CEP290: variants seen among roughly 807,000 people sequenced by gnomAD.
CEP290 encodes the protein centrosomal protein 290.
A neutral mutation model predicts 344.9 loss-of-function variants in CEP290; 317 were observed. That is an observed-to-expected ratio of 0.92 (90% CI 0.84 to 1.01). The LOEUF (loss-of-function observed/expected upper bound fraction) is 1.01, where lower values mean the gene tolerates loss of function less well. CEP290 is among the 50% of genes least tolerant of loss of function. The pLI is 0.00. For missense variants in CEP290, 2,754 were observed against 2,761.4 expected, an observed-to-expected ratio of 1.00 and a Z score of 0.06; for synonymous variants, 932 against 895.8, an observed-to-expected ratio of 1.04 and a Z score of -0.72.
intron 46 of CEP290, among the ~76,000 whole-genome samples, chr12:88,061,272 T>G (rs529155795): frequency 2.6e-5 from 4 of 152,318 alleles, no homozygotes; most frequent in African/African-American, 7.2e-5. Context: ...ATCAAAATGA[T>G]TAAGTCTAAA....
At chr12:88,111,565 T>G in intron 21 of CEP290, 129 bp downstream of exon 21, 1 of 869,546 alleles carries the variant, frequency 1.2e-6, no homozygotes, top group Non-Finnish European at 1.7e-6. Context: ...GAAATCCAGT[T>G]TCTTAATATT....
intron 27 of CEP290, among the ~76,000 whole-genome samples, chr12:88,095,055 G>A (rs1301164018): frequency 6.6e-6 from 1 of 152,106 alleles, no homozygotes; most frequent in Non-Finnish European, 1.5e-5. Flanking sequence ...ATCACTAACA[G>A]GTGCTAAAAG....
At position 88,126,422 on chromosome 12, in the gene CEP290, T is replaced by C; in HGVS notation, c.959A>G (p.Lys320Arg). ...VEEWKLILSSKDDEIIEYQQM... is the reference protein window; with the variant it reads ...VEEWKLILSSRDDEIIEYQQM... ...CTGATACTCAATAATTTCATCATCT[T>C]TAGAAGACAAAATTAGCTAGAAATA... is the stretch of plus-strand genomic sequence containing the variant. The change falls in exon 12 of 54, where the codon AAA (lysine) becomes AGA (arginine). Residue 320 changes from lysine to arginine, a missense_variant. Transcript: ENST00000552810. 6.7e-7 allele frequency: 1 copy of C among 1,503,476 alleles called. No individual in the cohort carries two copies. The highest frequency in any genetic ancestry group is 1.4e-5 in the South Asian group (1 of 71,572). 93.1% of individuals were successfully genotyped at this position (1,503,476 alleles called of 1,614,324 possible).
chr12:88,114,556 T>C lies in CEP290; in HGVS notation c.1916A>G (p.Glu639Gly). Residue 639 changes from glutamate to glycine, a missense_variant, in exon 20 of 54, where the codon GAA (glutamate) becomes GGA (glycine). Glu to Gly is a moderately conservative substitution (Grantham distance 98). Transcript: ENST00000552810. ...VIAKFQNKLKELVEENKQLEE... is the reference protein window; with the variant it reads ...VIAKFQNKLKGLVEENKQLEE... ...AAGTTGCTTATTTTCTTCAACTAAT[T>C]CTTTTACTGTAATTACACAGTTTTC... The C allele has an allele frequency of 6.5e-7, 1 of 1,538,654 alleles. No homozygotes were observed. Among genetic ancestry groups the C allele is most frequent in the South Asian group, 1.2e-5 (1 of 81,472 alleles).
chr12:88,114,353 C>G, intron 20 of CEP290, 67 bp downstream of exon 20: 3 of 1,254,312 alleles, frequency 2.4e-6, no homozygotes, highest in Middle Eastern at 2.0e-4. Flanking sequence ...CTATGGAGAT[C>G]TGTACACAGC....
chr12:88,063,857 A>G (rs1023988419), intron 45 of CEP290, 124 bp downstream of exon 45: 1 of 761,506 alleles, frequency 1.3e-6, no homozygotes, highest in African/African-American at 1.8e-5. Context: ...TATAAAGTAT[A>G]CCATCACCAT....
intron 22 of CEP290, among the ~76,000 whole-genome samples, chr12:88,110,092 AATAATT>A (rs1468440675): frequency 3.9e-5 from 6 of 152,178 alleles, no homozygotes; most frequent in Admixed American, 3.9e-4. Context: ...ATGAGTACTT[AATAATT>A]ATAACTCAAG....
intron 25 of CEP290, chr12:88,103,212 T>A: frequency 2.9e-6 from 1 of 339,428 alleles, no homozygotes; most frequent in Non-Finnish European, 5.2e-6. Context: ...ATCTTAATCA[T>A]AATAAAAATA....
intron 28 of CEP290, 66 bp from the exon 29 acceptor site, chr12:88,092,898 G>T: frequency 6.8e-7 from 1 of 1,464,718 alleles, no homozygotes; most frequent in Non-Finnish European, 9.4e-7. Flanking sequence ...TTGTAATTTA[G>T]CTTTTAAAGT....
At chr12:88,063,884 G>T in intron 45 of CEP290, 97 bp downstream of exon 45, 1 of 963,120 alleles carries the variant, frequency 1.0e-6, no homozygotes, top group Non-Finnish European at 1.5e-6. Flanking sequence ...TTAGGAATAT[G>T]CATTTTTGAC....
intron 22 of CEP290, among the ~76,000 whole-genome samples, chr12:88,110,819 A>T (rs1484511538): frequency 6.6e-6 from 1 of 152,218 alleles, no homozygotes; most frequent in East Asian, 1.9e-4. Context: ...CAAGAAATAA[A>T]AGTGCTCATT....
At chr12:88,075,143 T>C (rs1172306414) in intron 41 of CEP290, among the ~76,000 whole-genome samples, 3 of 152,208 alleles carry the variant, frequency 2.0e-5, no homozygotes, top group Non-Finnish European at 2.9e-5. Flanking sequence ...CGACACCCAG[T>C]TGGTGTCTGC....
At chr12:88,068,501 T>G (rs1334274848) in intron 44 of CEP290, 21 bp downstream of exon 44, 2 of 1,389,472 alleles carry the variant, frequency 1.4e-6, no homozygotes, top group Non-Finnish European at 9.5e-7. Flanking sequence ...AAGAAAAAAA[T>G]AATAAAAGAT....
At chr12:88,100,732 G>A (rs1449321036) in intron 26 of CEP290, among the ~76,000 whole-genome samples, 4 of 152,060 alleles carry the variant, frequency 2.6e-5, no homozygotes, top group Non-Finnish European at 5.9e-5. Context: ...AACTAGTGTA[G>A]ACAGGAGTGA....
intron 15 of CEP290, 146 bp downstream of exon 15, chr12:88,119,968 C>A: frequency 2.1e-6 from 1 of 482,674 alleles, no homozygotes; most frequent in Non-Finnish European, 3.4e-6. Context: ...CAGGTTAGCT[C>A]CACTTTTATT....
chr12:88,071,297 A>G lies in CEP290; in HGVS notation c.6008T>C (p.Met2003Thr), dbSNP rs1592782454. The G allele has an allele frequency of 6.2e-7, 1 of 1,600,738 alleles. No individual in the cohort carries two copies. Among genetic ancestry groups the G allele is most frequent in the Non-Finnish European group, 8.5e-7 (1 of 1,171,344 alleles). Residue 2003 changes from methionine (M) to threonine (T), a missense_variant, in exon 43 of 54, where the codon ATG becomes ACG. Transcript: ENST00000552810. ...NLDLENDILY[M>T]RAHQALPRDS... ...ACATTTCCACATAATAGCTTACCTC[A>G]TATACAATATATCATTTTCTAAGTC... is the stretch of plus-strand genomic sequence containing the variant.
In CEP290 at chr12:88,107,102, A is replaced by T. The variant is rs1009244708; in HGVS notation, c.2484-4T>A. Reference sequence around the variant, plus strand: ...TGTTTTCCAGGTCTCCTTTTCACTAAAAACAAAACAAAACAAAAAGACAAT... The same window carrying T: ...TGTTTTCCAGGTCTCCTTTTCACTATAAACAAAACAAAACAAAAAGACAAT... On this transcript the variant is annotated splice_region_variant and splice_polypyrimidine_tract_variant and intron_variant, in intron 23 of 53. Transcript: ENST00000552810. The T allele has an allele frequency of 2.8e-6, 4 of 1,423,530 alleles. No individual in the cohort carries two copies. Among genetic ancestry groups the T allele is most frequent in the Non-Finnish European group, 3.8e-6 (4 of 1,054,032 alleles). The allele number at this position is 1,423,530 out of a possible 1,614,324, so 88.2% of individuals were successfully genotyped here. A position where few individuals can be genotyped will look rare whatever the true frequency, so the allele number is the denominator to read the frequency against.
intron 51 of CEP290, 110 bp downstream of exon 51, chr12:88,054,230 G>A (rs1301626643): frequency 1.6e-5 from 11 of 697,656 alleles, no homozygotes; most frequent in Non-Finnish European, 2.6e-5. Flanking sequence ...CTGTTAGGCA[G>A]TAAAGTCGAA....
At chr12:88,136,097 T>A (rs937729244) in intron 6 of CEP290, 1 of 152,198 alleles carries the variant, frequency 6.6e-6, no homozygotes, top group Non-Finnish European at 1.5e-5. Context: ...TTAAAAATGT[T>A]ATTTTAAATA....
Sources: allele counts gnomAD v4.1 joint callset (sites outside exome capture counted in the v4.1 genomes callset), GRCh38; gene constraint gnomAD v4.1.1; transcripts MANE v1.5; gene names NCBI Gene and HGNC (gene_info 2026-07-23, HGNC 2026-07-21).